TTC7B: variants seen among roughly 807,000 people sequenced by gnomAD.
TTC7B encodes tetratricopeptide repeat protein 7B.
In TTC7B, 28 loss-of-function variants were observed where a neutral mutation model predicts 106.8. The ratio of observed to expected loss-of-function variants is 0.26; its 90% CI spans 0.19 to 0.36. The LOEUF (loss-of-function observed/expected upper bound fraction) is 0.36, where lower values mean the gene tolerates loss of function less well. Among genes scored for constraint, TTC7B ranks in the 10% least tolerant of loss-of-function variants. TTC7B has a pLI of 1.00. For missense variants in TTC7B, 862 were observed against 1,076.4 expected (o/e 0.80, Z 2.79); for synonymous variants, 405 against 430.6 (o/e 0.94, Z 0.74).
In TTC7B at chr14:90,578,008, T is replaced by G; in HGVS notation, c.2310+98A>C. 1 of 1,422,846 alleles carries G rather than the reference T, an allele frequency of 7.0e-7. No individual in the cohort carries two copies. The highest frequency in any genetic ancestry group is 9.5e-7 in the Non-Finnish European group (1 of 1,047,296). 88.1% of individuals were successfully genotyped at this position (1,422,846 alleles called of 1,614,324 possible). On this transcript the variant is annotated intron_variant, in intron 19 of 19. Transcript: ENST00000328459. This position sits in a 1 kb window ranked among gnomAD's most constrained non-coding sequence, Gnocchi z 4.7. ...TGGCAAGCTAACTGCATGGGGCCTT[T>G]GGAAGCAGAAGAGGGTGTGAGGGTC...
Position 90,578,267 on chromosome 14 carries a change from C to T in TTC7B, c.2149G>A (p.Ala717Thr). The T allele has an allele frequency of 2.5e-6, 4 of 1,614,210 alleles. No individual in the cohort carries two copies. Among genetic ancestry groups the T allele is most frequent in the Non-Finnish European group, 3.4e-6 (4 of 1,180,040 alleles). ...IGIGKPAEAT[A>T]CTQEAANLFP... ...AGGTTGGCAGCTTCTTGGGTACAGGCTGTGGCTTCTGCAGGCTTCCCGATG... is the reference window on the plus strand; with the variant it reads ...AGGTTGGCAGCTTCTTGGGTACAGGTTGTGGCTTCTGCAGGCTTCCCGATG... The change falls in exon 19 of 20, where the codon GCC becomes ACC. Residue 717 changes from alanine to threonine, a missense_variant. Coordinates refer to ENST00000328459, the MANE Select transcript of TTC7B (RefSeq NM_001010854.2). The surrounding 1 kb of genome is among the most constrained non-coding windows in gnomAD (Gnocchi z 4.7).
At chr14:90,716,136 G>C (rs1888646996) in intron 5 of TTC7B, among the ~76,000 whole-genome samples, 1 of 152,178 alleles carries the variant, frequency 6.6e-6, no homozygotes, top group Non-Finnish European at 1.5e-5. Context: ...AGCCTAAACA[G>C]GTGAAGCTTT....
At chr14:90,613,933 G>A (rs1335949755) in intron 16 of TTC7B, among the ~76,000 whole-genome samples, 1 of 152,226 alleles carries the variant, frequency 6.6e-6, no homozygotes, top group Admixed American at 6.5e-5. Context: ...CCGGCTATTA[G>A]AAGCCTCTCT....
intron 5 of TTC7B, among the ~76,000 whole-genome samples, chr14:90,703,092 A>T (rs1179493767): frequency 6.6e-6 from 1 of 152,208 alleles, no homozygotes; most frequent in East Asian, 1.9e-4. Flanking sequence ...CCACTGGGGA[A>T]GTGTCTGCTC....
At chr14:90,606,428 T>C (rs1210148308) in intron 17 of TTC7B, among the ~76,000 whole-genome samples, 2 of 152,230 alleles carry the variant, frequency 1.3e-5, no homozygotes, top group Non-Finnish European at 2.9e-5. Context: ...AAAATACTTA[T>C]TTTGCGTTGG....
chr14:90,620,026 C>G (rs1487499051), intron 15 of TTC7B, among the ~76,000 whole-genome samples: 7 of 152,068 alleles, frequency 4.6e-5, no homozygotes, highest in African/African-American at 1.7e-4. Context: ...GGTCCTAACC[C>G]ATCACTGCCC....
Position 90,541,513 on chromosome 14 carries a change from G to A in TTC7B, c.2387C>T (p.Thr796Ile). ...CAGCCCGTTCCAGACCTCGTGGGCT[G>A]TCGAGTTCACCTGCACCGCGTCCCG... is the stretch of plus-strand genomic sequence containing the variant. ...ILRDAVQVNS[T>I]AHEVWNGLGE... is the part of the protein sequence containing the mutation. The change falls in exon 20 of 20, where the codon ACA becomes ATA. Residue 796 changes from threonine to isoleucine, a missense_variant. Physicochemically the swap from Thr to Ile is moderately conservative, Grantham distance 89. Coordinates refer to ENST00000328459, the MANE Select transcript of TTC7B (RefSeq NM_001010854.2). 6.2e-7 allele frequency: 1 copy of A among 1,614,006 alleles called. No individual in the cohort carries two copies. The highest frequency in any genetic ancestry group is 8.5e-7 in the Non-Finnish European group (1 of 1,179,924).
In TTC7B at chr14:90,621,681, G is replaced by A. The variant is rs537899993; in HGVS notation, c.1752-3636C>T. On this transcript the variant is annotated intron_variant, in intron 15 of 19. Coordinates refer to ENST00000328459, the MANE Select transcript of TTC7B (RefSeq NM_001010854.2). ...ATGGGCAGAAACACCTGCCCTGCCC[G>A]TCGCCAACACTCCTTGGGATGCCCA... Among the ~76,000 whole-genome samples the A allele has an allele frequency of 9.8e-5, 15 of 152,318 alleles. No homozygotes were observed. In the South Asian group the frequency reaches 1.9e-3, roughly 19 times the overall value.
chr14:90,699,399 T>C, intron 5 of TTC7B: 1 of 351,422 alleles, frequency 2.8e-6, no homozygotes, highest in Non-Finnish European at 5.5e-6. Context: ...TCTCCTTTTA[T>C]TTCTTGGGAG....
intron 15 of TTC7B, among the ~76,000 whole-genome samples, chr14:90,625,579 C>T (rs1292692804): frequency 1.3e-5 from 2 of 152,180 alleles, no homozygotes; most frequent in East Asian, 1.9e-4. Context: ...GTCACTGGCC[C>T]GACCTCCGCC....
chr14:90,592,953 A>G (rs1892030213), intron 18 of TTC7B, among the ~76,000 whole-genome samples: 1 of 152,138 alleles, frequency 6.6e-6, no homozygotes, highest in Non-Finnish European at 1.5e-5. Flanking sequence ...CTGGCTTTAT[A>G]AAGACATCTG....
intron 15 of TTC7B, among the ~76,000 whole-genome samples, chr14:90,627,537 G>T (rs980006286): frequency 6.6e-6 from 1 of 152,196 alleles, no homozygotes; most frequent in African/African-American, 2.4e-5. Context: ...TCAGAACTTA[G>T]CAGCCCTTAT....
At chr14:90,690,758 G>C (rs1242162458) in intron 6 of TTC7B, among the ~76,000 whole-genome samples, 3 of 152,202 alleles carry the variant, frequency 2.0e-5, no homozygotes, top group Non-Finnish European at 4.4e-5. Context: ...TTCTGAGAAG[G>C]AGACTTTTTT....
At chr14:90,763,270 T>C (rs1037907355) in intron 3 of TTC7B, among the ~76,000 whole-genome samples, 6 of 152,076 alleles carry the variant, frequency 3.9e-5, no homozygotes, top group Non-Finnish European at 7.4e-5. Context: ...ATTTAAAAAA[T>C]AAAGCACAAA....
At chr14:90,794,489 G>A (rs935142055) in intron 1 of TTC7B, among the ~76,000 whole-genome samples, 10 of 152,062 alleles carry the variant, frequency 6.6e-5, no homozygotes, top group Non-Finnish European at 2.9e-5. Flanking sequence ...GCCTCCCAAA[G>A]TGCTGGGATT....
At position 90,806,704 on chromosome 14, in the gene TTC7B, C is replaced by T. The variant is rs1288175040; in HGVS notation, c.121+9471G>A. ...GGCAGATCACTTGAGCCCAGGAGTTCGAGACCAGCCTGGGTAACATGGTGA... is the reference window on the plus strand; with the variant it reads ...GGCAGATCACTTGAGCCCAGGAGTTTGAGACCAGCCTGGGTAACATGGTGA... On this transcript the variant is annotated intron_variant, in intron 1 of 19. Transcript: ENST00000328459. Among the ~76,000 whole-genome samples, 6 of 152,186 alleles carry T rather than the reference C, an allele frequency of 3.9e-5. 1 individual carries two copies. The East Asian group carries it at 9.7e-4, about 25-fold the overall frequency.
chr14:90,543,769 T>G (rs114991986), intron 19 of TTC7B, among the ~76,000 whole-genome samples: 2,463 of 152,328 alleles, frequency 0.016, 72 homozygotes, highest in African/African-American at 0.056. Context: ...AATCTCATCT[T>G]AAATCTCCCA....
intron 5 of TTC7B, 89 bp downstream of exon 5, chr14:90,729,986 T>G: frequency 7.5e-7 from 1 of 1,340,872 alleles, no homozygotes; most frequent in Non-Finnish European, 9.9e-7. Context: ...AAAATTCCTT[T>G]ATTATAATAA....
intron 7 of TTC7B, among the ~76,000 whole-genome samples, chr14:90,684,511 T>C (rs1387642450): frequency 6.6e-6 from 1 of 152,138 alleles, no homozygotes. Context: ...TGGGTCAATA[T>C]ATTGGAGGAC....
Sources: gnomAD v4.1 joint callset for allele counts (sites outside exome capture counted in the v4.1 genomes callset) on GRCh38, gnomAD v4.1.1 for gene constraint, Gnocchi (gnomAD v3.1) non-coding constraint, MANE v1.5 for transcripts, NCBI Gene and HGNC (gene_info 2026-07-23, HGNC 2026-07-21) for gene names.